Variants in SLC29A3 observed in about 807,000 individuals in gnomAD.
SLC29A3 encodes solute carrier family 29 member 3, also known as equilibrative nucleoside transporter 3.
Under a neutral mutation model 25.4 loss-of-function variants are expected in SLC29A3, and 18 were observed. The ratio of observed to expected loss-of-function variants is 0.71; its 90% confidence interval spans 0.49 to 1.05. The LOEUF (loss-of-function observed/expected upper bound fraction) is 1.05, where lower values mean the gene tolerates loss of function less well. Ranked by LOEUF, SLC29A3 falls within the 50% of genes least tolerant of loss-of-function variation. The pLI is 0.00. For synonymous variants in SLC29A3, 258 were observed against 267.1 expected (o/e 0.97, Z 0.33); for missense variants, 586 against 609.0 (o/e 0.96, Z 0.40).
At chr10:71,341,280 C>T (rs553103859) in intron 2 of SLC29A3, among the ~76,000 whole-genome samples, 1 of 152,310 alleles carries the variant, frequency 6.6e-6, no homozygotes, top group Admixed American at 6.5e-5. Flanking sequence ...GGACCAATGG[C>T]TGTGGACAGG....
At chr10:71,346,513 C>CTATA (rs1353675001) in intron 3 of SLC29A3, among the ~76,000 whole-genome samples, 1 of 152,028 alleles carries the variant, frequency 6.6e-6, no homozygotes, top group Non-Finnish European at 1.5e-5. Flanking sequence ...ACGCTGGGCA[C>CTATA]TATAGCAAGA....
At chr10:71,335,978 T>C (rs1278029727) in intron 2 of SLC29A3, among the ~76,000 whole-genome samples, 1 of 152,066 alleles carries the variant, frequency 6.6e-6, no homozygotes, top group Non-Finnish European at 1.5e-5. Flanking sequence ...GGGGCGGGTG[T>C]GTCCTTGTGA....
intron 3 of SLC29A3, among the ~76,000 whole-genome samples, chr10:71,346,568 G>A (rs576115298): frequency 2.0e-5 from 3 of 152,260 alleles, no homozygotes; most frequent in South Asian, 2.1e-4. Flanking sequence ...AGCCTGGCAC[G>A]GTGACACATG....
At chr10:71,357,707 C>A (rs1019540140) in intron 5 of SLC29A3, among the ~76,000 whole-genome samples, 1 of 152,196 alleles carries the variant, frequency 6.6e-6, no homozygotes, top group African/African-American at 2.4e-5. Flanking sequence ...TCGAGTCTTA[C>A]TCTTGCTTTC....
At chr10:71,354,075 G>A (rs1308557887) in intron 4 of SLC29A3, among the ~76,000 whole-genome samples, 1 of 152,178 alleles carries the variant, frequency 6.6e-6, no homozygotes, top group Non-Finnish European at 1.5e-5. Context: ...TCTTGGCAAA[G>A]GGTTTACCCG....
chr10:71,345,072 G>A (rs768723327), intron 3 of SLC29A3, among the ~76,000 whole-genome samples: 13 of 152,192 alleles, frequency 8.5e-5, no homozygotes, highest in Admixed American at 6.5e-5. Flanking sequence ...CTTCAGGGAG[G>A]GTGCTGGGAT....
intron 2 of SLC29A3, among the ~76,000 whole-genome samples, chr10:71,324,829 C>T (rs1442786767): frequency 2.0e-5 from 3 of 152,062 alleles, no homozygotes. Flanking sequence ...GCTAATCTGA[C>T]TTTGAAGGAT....
intron 2 of SLC29A3, among the ~76,000 whole-genome samples, chr10:71,324,206 G>A (rs1328792024): frequency 1.3e-5 from 2 of 152,216 alleles, no homozygotes; most frequent in South Asian, 2.1e-4. Flanking sequence ...ACGTCAAGGC[G>A]AGGCCTCTGC....
Position 71,376,160 on chromosome 10 carries a change from A to C in SLC29A3, c.*211+349A>C, listed in dbSNP as rs371944140. Among the ~76,000 whole-genome samples, 58 of 152,364 alleles carry C rather than the reference A, an allele frequency of 3.8e-4. No individual in the cohort carries two copies. The South Asian group carries it at 0.012, about 32-fold the overall frequency. Reference sequence around the variant, plus strand: ...CAGATTGTTCCTGTCCTAAGTAAACACGGCAATGTGTCTCTTACAAAGCTC... The same window carrying C: ...CAGATTGTTCCTGTCCTAAGTAAACCCGGCAATGTGTCTCTTACAAAGCTC... On this transcript the variant is annotated intron_variant and NMD_transcript_variant, in intron 4 of 4. Transcript: ENST00000642772.
chr10:71,375,218 T>A lies in SLC29A3; in HGVS notation c.*95-477T>A, dbSNP rs150343546. On this transcript the variant is annotated intron_variant and NMD_transcript_variant, in intron 3 of 4. Coordinates refer to the SLC29A3 transcript ENST00000642772. ...CAGAGCAAATGCTTGTTATTAGACA[T>A]GAGCACTGAAGGCTCCAAGGACTAC... Among the ~76,000 whole-genome samples, 415 of 152,330 alleles carry A rather than the reference T, an allele frequency of 2.7e-3. 2 individuals carry two copies. The highest frequency in any genetic ancestry group is 9.6e-3 in the African/African-American group (399 of 41,566).
At chr10:71,353,707 G>A (rs73280048) in intron 4 of SLC29A3, among the ~76,000 whole-genome samples, 2,453 of 152,238 alleles carry the variant, frequency 0.016, 68 homozygotes, top group African/African-American at 0.056. Flanking sequence ...AGACCACCTC[G>A]CCAGCCCCAC....
In SLC29A3 at chr10:71,356,226, C is replaced by T. The variant is rs752368157; in HGVS notation, c.756C>T (p.Ser252=). 23 of 1,613,836 alleles carry T rather than the reference C, an allele frequency of 1.4e-5. No homozygotes were observed. Among genetic ancestry groups the T allele is most frequent in the Non-Finnish European group, 1.4e-5 (16 of 1,180,012 alleles). Residue 252 remains serine (S), a synonymous_variant, in exon 5 of 6, where the codon TCC becomes TCT. Coordinates refer to ENST00000373189, the MANE Select transcript of SLC29A3 (RefSeq NM_018344.6). The part of the protein sequence containing the change: ...VLCMGLYLLL[S]RLEYARYYMR... ...GCATGGGACTCTACCTGCTGCTGTC[C>T]AGGCTGGAGTATGCCAGGTGAAGGT...
rs746754933 is a variant in SLC29A3, at chr10:71,362,487, A to G, written c.1307A>G (p.Tyr436Cys). The G allele has an allele frequency of 9.3e-6, 15 of 1,614,072 alleles. No homozygotes were observed. The highest frequency in any genetic ancestry group is 7.7e-5 in the South Asian group (7 of 91,080). ...TACCTCAGCACCCTGGCCCTCCTCTACGGGCCTAAGATTGTGCCCAGGGAG... is the reference window on the plus strand; with the variant it reads ...TACCTCAGCACCCTGGCCCTCCTCTGCGGGCCTAAGATTGTGCCCAGGGAG... ...NGYLSTLALL[Y>C]GPKIVPRELA... Residue 436 changes from tyrosine (Y) to cysteine (C), a missense_variant, in exon 6 of 6, where the codon TAC becomes TGC. Physicochemically the swap from Tyr to Cys is radical, Grantham distance 194 (BLOSUM62 -2). Coordinates refer to ENST00000373189, the MANE Select transcript of SLC29A3 (RefSeq NM_018344.6).
downstream of SLC29A3, chr10:71,365,906 TTATC>T (rs1472117473): frequency 3.3e-5 from 5 of 152,240 alleles, no homozygotes; most frequent in Admixed American, 6.5e-5. Context: ...GAGGTTGTCT[TTATC>T]TAAGAGTTCT....
chr10:71,356,839 C>A (rs1196981690), intron 5 of SLC29A3, among the ~76,000 whole-genome samples: 2 of 152,138 alleles, frequency 1.3e-5, no homozygotes, highest in Non-Finnish European at 2.9e-5. Context: ...AATGAACAAA[C>A]AAACAAAAGA....
At chr10:71,334,952 T>C (rs972270407) in intron 2 of SLC29A3, among the ~76,000 whole-genome samples, 7 of 131,440 alleles carry the variant, frequency 5.3e-5, no homozygotes, top group African/African-American at 2.3e-4. Context: ...GACTCTTTTT[T>C]TTTCTTTTTT....
intron 3 of SLC29A3, among the ~76,000 whole-genome samples, chr10:71,348,614 A>T (rs1258165443): frequency 6.6e-6 from 1 of 152,078 alleles, no homozygotes; most frequent in East Asian, 1.9e-4. Flanking sequence ...CTCGAGCATC[A>T]GGGGTAAGTC....
chr10:71,345,838 G>A (rs529649852), intron 3 of SLC29A3, among the ~76,000 whole-genome samples: 1 of 152,358 alleles, frequency 6.6e-6, no homozygotes, highest in Admixed American at 6.5e-5. Flanking sequence ...AGGAGGCGAG[G>A]AAGAGGGGAG....
At chr10:71,347,995 G>A (rs867405288) in intron 3 of SLC29A3, among the ~76,000 whole-genome samples, 5 of 152,336 alleles carry the variant, frequency 3.3e-5, no homozygotes, top group South Asian at 4.1e-4. Flanking sequence ...GCAGTTAGAG[G>A]CAGAGGCCAT....
Sources: allele counts gnomAD v4.1 joint callset (sites outside exome capture counted in the v4.1 genomes callset), GRCh38; gene constraint gnomAD v4.1.1; transcripts MANE v1.5; gene names NCBI Gene and HGNC (gene_info 2026-07-23, HGNC 2026-07-21).